Variants in DENND4A observed in about 807,000 individuals in gnomAD.
DENND4A encodes C-myc promoter-binding protein.
DENND4A carries 70 observed loss-of-function variants against 199.3 expected under a neutral mutation model. The observed-to-expected ratio is 0.35, with a 90% confidence interval of 0.29 to 0.43. DENND4A has a LOEUF of 0.43. Among genes scored for constraint, DENND4A ranks in the 20% least tolerant of loss-of-function variants. The probability of loss-of-function intolerance (pLI) is 1.00; values close to 1 mark genes in which losing one functional copy is unlikely to be tolerated. For synonymous variants in DENND4A, 686 were observed against 766.9 expected, an observed-to-expected ratio of 0.89 and a Z score of 1.74; for missense variants, 1,723 against 2,255.8, an observed-to-expected ratio of 0.76 and a Z score of 4.78.
intron 25 of DENND4A, among the ~76,000 whole-genome samples, 198 bp downstream of exon 25, chr15:65,671,594 T>C (rs1248017259): frequency 6.6e-6 from 1 of 152,204 alleles, no homozygotes; most frequent in African/African-American, 2.4e-5. Context: ...TTCACCATAT[T>C]GGCCAGGCTG....
intron 1 of DENND4A, among the ~76,000 whole-genome samples, chr15:65,780,542 G>A (rs1469261186): frequency 6.6e-6 from 1 of 152,168 alleles, no homozygotes; most frequent in African/African-American, 2.4e-5. Flanking sequence ...AACTTTCCAT[G>A]ACATTTTCAA....
chr15:65,691,125 C>T lies in DENND4A; in HGVS notation c.3469G>A (p.Asp1157Asn). 3.1e-6 allele frequency: 5 copies of T among 1,613,248 alleles called. No homozygotes were observed. Among genetic ancestry groups the T allele is most frequent in the Non-Finnish European group, 4.2e-6 (5 of 1,179,636 alleles). ...TPFDGSNYLA[D>N]KVDSPVIFDL... ...AAAATAACAGGAGAATCCACTTTAT[C>T]TGCCAAATAGTTAGAACCATCAAAA... Residue 1157 changes from aspartate to asparagine, a missense_variant, in exon 23 of 33, where the codon GAT (aspartate) becomes AAT (asparagine). By Grantham distance (23) the Asp-to-Asn change is conservative (BLOSUM62 1). This residue lies in a region of DENND4A where 650 missense variants were observed against 738.1 expected (regional missense o/e 0.88). Coordinates refer to ENST00000443035, the MANE Select transcript of DENND4A (RefSeq NM_001320835.1).
chr15:65,759,430 A>G (rs1465479635), intron 2 of DENND4A, among the ~76,000 whole-genome samples: 1 of 152,048 alleles, frequency 6.6e-6, no homozygotes, highest in Admixed American at 6.6e-5. Context: ...GTGAGACAAG[A>G]TCGCGCCACT....
intron 1 of DENND4A, among the ~76,000 whole-genome samples, chr15:65,791,120 G>GTC (rs1308527129): frequency 1.3e-5 from 2 of 152,156 alleles, no homozygotes; most frequent in African/African-American, 4.8e-5. Context: ...GCCCTCACGG[G>GTC]TCTCTAGCTG....
At chr15:65,744,441 GAA>G (rs1306575795) in intron 4 of DENND4A, among the ~76,000 whole-genome samples, 1 of 152,098 alleles carries the variant, frequency 6.6e-6, no homozygotes, top group African/African-American at 2.4e-5. Flanking sequence ...GGTGATGAGA[GAA>G]ATTTACATGG....
chr15:65,779,887 T>C (rs1458344094), intron 1 of DENND4A, among the ~76,000 whole-genome samples: 1 of 151,908 alleles, frequency 6.6e-6, no homozygotes, highest in Admixed American at 6.6e-5. Flanking sequence ...TGAGCCACAG[T>C]GTCTGGACTT....
chr15:65,771,826 T>G, intron 1 of DENND4A: 1 of 1,613,296 alleles, frequency 6.2e-7, no homozygotes, highest in Non-Finnish European at 8.5e-7. Context: ...TTTTCGCTTT[T>G]CTGGATTACT....
At chr15:65,664,793 C>T in intron 30 of DENND4A, 71 bp from the exon 31 acceptor site, 2 of 1,279,780 alleles carry the variant, frequency 1.6e-6, no homozygotes, top group South Asian at 3.1e-5. Flanking sequence ...TAAGCAGCAA[C>T]TGACAGATAT....
intron 4 of DENND4A, among the ~76,000 whole-genome samples, chr15:65,747,904 G>A (rs2076445733): frequency 6.6e-6 from 1 of 151,602 alleles, no homozygotes; most frequent in Non-Finnish European, 1.5e-5. Context: ...GTCAGGCGTG[G>A]TGGCGCGCGC....
intron 5 of DENND4A, 136 bp from the exon 6 acceptor site, chr15:65,739,011 T>C: frequency 3.4e-6 from 2 of 595,868 alleles, no homozygotes; most frequent in Non-Finnish European, 5.4e-6. Context: ...CAAATAACAC[T>C]GAATACTTTG....
At chr15:65,694,339 C>T (rs2077070096) in intron 22 of DENND4A, among the ~76,000 whole-genome samples, 1 of 151,942 alleles carries the variant, frequency 6.6e-6, no homozygotes, top group African/African-American at 2.4e-5. Flanking sequence ...ATCCCATCTA[C>T]TAGGGAGGCT....
intron 2 of DENND4A, among the ~76,000 whole-genome samples, chr15:65,760,406 G>A (rs2076823468): frequency 6.6e-6 from 1 of 152,146 alleles, no homozygotes; most frequent in African/African-American, 2.4e-5. Flanking sequence ...GCTGAGGCAG[G>A]GGAATTGCTT....
chr15:65,666,763 G>C (rs1292390754), intron 29 of DENND4A, among the ~76,000 whole-genome samples: 6 of 144,216 alleles, frequency 4.2e-5, no homozygotes, highest in Non-Finnish European at 9.0e-5. Context: ...TGGGTGACAG[G>C]GCGAGACCTT....
At chr15:65,722,282 T>A (rs959051260) in intron 12 of DENND4A, among the ~76,000 whole-genome samples, 1 of 152,074 alleles carries the variant, frequency 6.6e-6, no homozygotes, top group Non-Finnish European at 1.5e-5. Flanking sequence ...CAGGACAACA[T>A]GGTAAGACCC....
intron 1 of DENND4A, chr15:65,766,505 A>C (rs2076990675): frequency 6.6e-6 from 1 of 152,168 alleles, no homozygotes; most frequent in South Asian, 2.1e-4. Context: ...TTGCATCTGC[A>C]ACCAACTTGG....
chr15:65,730,261 C>T (rs1277048718), intron 9 of DENND4A, among the ~76,000 whole-genome samples: 1 of 152,012 alleles, frequency 6.6e-6, no homozygotes, highest in Admixed American at 6.6e-5. Flanking sequence ...AAACTTAGGC[C>T]TTCTATATAG....
chr15:65,761,196 A>T (rs1018463069), intron 2 of DENND4A, among the ~76,000 whole-genome samples, 164 bp downstream of exon 2: 2 of 152,210 alleles, frequency 1.3e-5, no homozygotes, highest in African/African-American at 4.8e-5. Flanking sequence ...GCACATCCTG[A>T]GACATCTTTC....
rs1213601634 is a variant in DENND4A, at chr15:65,659,318, TCTG to T, written c.*2530_*2532del. ...GAGTTATTTTAAATGATTGATATTT[TCTG>T]GTTTTTTTTTTTTTTTTTTTTTTTT... On this transcript the variant is annotated 3_prime_UTR_variant, in exon 33 of 33. Coordinates refer to ENST00000443035, the MANE Select transcript of DENND4A (RefSeq NM_001320835.1). The T allele has an allele frequency of 2.2e-4, 29 of 132,404 alleles. No individual in the cohort carries two copies. The highest frequency in any genetic ancestry group is 1.6e-3 in the East Asian group (7 of 4,416). The allele number at this position is 132,404 out of a possible 1,614,324, so 8.2% of individuals were successfully genotyped here. A position where few individuals can be genotyped will look rare whatever the true frequency, so the allele number is the denominator to read the frequency against.
chr15:65,739,541 GAA>G (rs1480962441), intron 5 of DENND4A, among the ~76,000 whole-genome samples: 1 of 152,058 alleles, frequency 6.6e-6, no homozygotes, highest in Non-Finnish European at 1.5e-5. Context: ...TCATTTTGTG[GAA>G]CTAGAAACAG....
Sources: allele counts gnomAD v4.1 joint callset (sites outside exome capture counted in the v4.1 genomes callset), GRCh38; gene constraint gnomAD v4.1.1; regional missense constraint gnomAD v4.1.1; transcripts MANE v1.5; gene names NCBI Gene and HGNC (gene_info 2026-07-23, HGNC 2026-07-21).